Variants in OVCH1 observed in about 807,000 individuals in gnomAD.
OVCH1 encodes ovochymase 1, also known as ovochymase-1.
OVCH1 carries 139 observed loss-of-function variants against 138.4 expected under a neutral mutation model. That is an observed-to-expected ratio of 1.00 (90% CI 0.87 to 1.16). The LOEUF (loss-of-function observed/expected upper bound fraction) is 1.16. Among genes scored for constraint, OVCH1 ranks in the 50% most tolerant of loss-of-function variants. The pLI is 0.00. For synonymous variants in OVCH1, 453 were observed against 467.8 expected, an observed-to-expected ratio of 0.97 and a Z score of 0.41; for missense variants, 1,367 against 1,357.9, an observed-to-expected ratio of 1.01 and a Z score of -0.11.
chr12:29,451,846 C>G (rs1026366247), intron 21 of OVCH1, among the ~76,000 whole-genome samples: 1 of 152,194 alleles, frequency 6.6e-6, no homozygotes, highest in African/African-American at 2.4e-5. Flanking sequence ...GTTGCATTCT[C>G]TATACCCAGC....
At chr12:29,407,039 C>T in the OVCH1 span, among the ~76,000 whole-genome samples, 23 of 152,170 alleles carry the variant, frequency 1.5e-4, no homozygotes, top group East Asian at 3.5e-3. Flanking sequence ...TTTTGATTTG[C>T]GTTTCTCTGA....
chr12:29,410,532 T>C (rs1294294755), downstream of OVCH1, among the ~76,000 whole-genome samples: 1 of 124,882 alleles, frequency 8.0e-6, no homozygotes, highest in Non-Finnish European at 1.9e-5. Flanking sequence ...CAGCATTTGC[T>C]TGTCTGTAAA....
At chr12:29,442,402 CTT>C (rs1237417039) in intron 25 of OVCH1, among the ~76,000 whole-genome samples, 1 of 131,004 alleles carries the variant, frequency 7.6e-6, no homozygotes, top group African/African-American at 2.8e-5. Context: ...TATTCTCACT[CTT>C]AGGTGGGAAC....
At chr12:29,496,101 C>T in intron 3 of OVCH1, 80 bp downstream of exon 3, 1 of 1,282,904 alleles carries the variant, frequency 7.8e-7, no homozygotes, top group Non-Finnish European at 1.1e-6. Flanking sequence ...TGAGAATGAA[C>T]CTGCTATTTA....
chr12:29,411,409 C>G (rs1439832818), downstream of OVCH1, among the ~76,000 whole-genome samples: 1 of 151,656 alleles, frequency 6.6e-6, no homozygotes, highest in East Asian at 1.9e-4. Flanking sequence ...TTTTTCTGCT[C>G]TGTTTTTTCC....
chr12:29,467,081 T>C (rs1942345967), intron 16 of OVCH1, among the ~76,000 whole-genome samples: 1 of 152,126 alleles, frequency 6.6e-6, no homozygotes, highest in African/African-American at 2.4e-5. Context: ...AGTGAAGCAC[T>C]TGGCAAGTAC....
At chr12:29,420,383 C>G (rs1249690975) in intron 3 of OVCH1, among the ~76,000 whole-genome samples, 1 of 151,334 alleles carries the variant, frequency 6.6e-6, no homozygotes, top group African/African-American at 2.4e-5. Flanking sequence ...GAAGCTGATG[C>G]ACACATGTTA....
intron 17 of OVCH1, 142 bp downstream of exon 17, chr12:29,465,004 AT>A: frequency 2.5e-6 from 2 of 802,702 alleles, no homozygotes; most frequent in South Asian, 3.9e-5. Context: ...CTCAAATTGC[AT>A]TTTTAAATGT....
In OVCH1 at chr12:29,495,522, G is replaced by A. The variant is rs1943391485; in HGVS notation, c.282-65C>T. 7 of 1,403,732 alleles carry A rather than the reference G, an allele frequency of 5.0e-6. No individual in the cohort carries two copies. In the South Asian group the frequency reaches 6.4e-5, roughly 13 times the overall value. 87.0% of individuals were successfully genotyped at this position (1,403,732 alleles called of 1,614,324 possible). A position where few individuals can be genotyped will look rare whatever the true frequency, so the allele number is the denominator to read the frequency against. On this transcript the variant is annotated intron_variant, in intron 3 of 27. Coordinates refer to ENST00000318184, the Ensembl canonical transcript of OVCH1. Reference sequence around the variant, plus strand: ...CCTACGCAAGTCTTCTTGGTTTGATGTAATTAAATGAAAAGTGATTAATGT... The same window carrying A: ...CCTACGCAAGTCTTCTTGGTTTGATATAATTAAATGAAAAGTGATTAATGT...
chr12:29,465,063 T>G, intron 17 of OVCH1, 84 bp downstream of exon 17: 1 of 1,150,846 alleles, frequency 8.7e-7, no homozygotes, highest in Non-Finnish European at 1.2e-6. Flanking sequence ...TAATAACTAA[T>G]TACATATTTT....
At chr12:29,487,018 T>C (rs1163699327) in intron 7 of OVCH1, 8 of 426,924 alleles carry the variant, frequency 1.9e-5, no homozygotes, top group Non-Finnish European at 3.8e-5. Flanking sequence ...TGTGGTAGGA[T>C]CCACAGCACC....
chr12:29,444,348 T>C, intron 23 of OVCH1, 68 bp from the exon 24 acceptor site: 1 of 1,468,004 alleles, frequency 6.8e-7, no homozygotes, highest in South Asian at 1.3e-5. Flanking sequence ...ATATGCCTTT[T>C]CAGATCAAGG....
At chr12:29,405,905 A>G in the OVCH1 span, among the ~76,000 whole-genome samples, 47,076 of 152,156 alleles carry the variant, frequency 0.31, 8,599 homozygotes, top group Middle Eastern at 0.52. Context: ...ACTCTAGTCT[A>G]TTGGATATTT....
chr12:29,426,719 T>G (rs930819286), downstream of OVCH1, among the ~76,000 whole-genome samples: 2 of 152,192 alleles, frequency 1.3e-5, no homozygotes, highest in African/African-American at 4.8e-5. Context: ...CTCCATTCTA[T>G]CTCCAGATCT....
intron 26 of OVCH1, among the ~76,000 whole-genome samples, chr12:29,435,336 G>A (rs935135939): frequency 1.3e-5 from 2 of 152,164 alleles, no homozygotes; most frequent in Non-Finnish European, 2.9e-5. Context: ...CTGCACTTGA[G>A]CCTAGACAAC....
intron 16 of OVCH1, among the ~76,000 whole-genome samples, chr12:29,468,993 T>TC (rs928342810): frequency 2.6e-5 from 4 of 152,080 alleles, no homozygotes; most frequent in Admixed American, 2.6e-4. Flanking sequence ...ACCTAGAGTA[T>TC]CTTGCAGTGT....
intron 25 of OVCH1, 30 bp downstream of exon 25, chr12:29,443,331 T>A: frequency 6.2e-7 from 1 of 1,600,090 alleles, no homozygotes; most frequent in Non-Finnish European, 8.5e-7. Context: ...GAAAAATCAG[T>A]AGCATAGAGA....
At chr12:29,404,258 C>T in the OVCH1 span, among the ~76,000 whole-genome samples, 2 of 152,326 alleles carry the variant, frequency 1.3e-5, no homozygotes, top group African/African-American at 4.8e-5. Context: ...ATGGCAGTGA[C>T]TGCTGCCTCA....
At chr12:29,460,104 C>T (rs991313801) in intron 19 of OVCH1, among the ~76,000 whole-genome samples, 4 of 152,150 alleles carry the variant, frequency 2.6e-5, no homozygotes, top group Non-Finnish European at 5.9e-5. Context: ...CATATATGGG[C>T]AGTACATTTG....
Sources: allele counts gnomAD v4.1 joint callset (sites outside exome capture counted in the v4.1 genomes callset), GRCh38; gene constraint gnomAD v4.1.1; transcripts MANE v1.5; gene names NCBI Gene and HGNC (gene_info 2026-07-23, HGNC 2026-07-21).